SPATA1: variants seen among roughly 807,000 people sequenced by gnomAD.
SPATA1 encodes the protein spermatogenesis associated 1.
Under a neutral mutation model 59.6 loss-of-function variants are expected in SPATA1, and 57 were observed. That is an observed-to-expected ratio of 0.96 (90% CI 0.77 to 1.19). The LOEUF (loss-of-function observed/expected upper bound fraction) is 1.19. Among genes scored for constraint, SPATA1 ranks in the 50% most tolerant of loss-of-function variants. The pLI is 0.00. For missense variants in SPATA1, 448 were observed against 480.7 expected, an observed-to-expected ratio of 0.93 and a Z score of 0.64; for synonymous variants, 147 against 163.9, an observed-to-expected ratio of 0.90 and a Z score of 0.79.
At position 84,536,445 on chromosome 1, in the gene SPATA1, C is replaced by G. The variant is rs532840328; in HGVS notation, c.717+2679C>G. ...AAAAATGTTAAGAGGAGATTTATAT[C>G]CACTTTTTTTTCTTTTGAGACGGAG... is the stretch of plus-strand genomic sequence containing the variant. On this transcript the variant is annotated intron_variant, in intron 8 of 12. Transcript: ENST00000490879. 1.2e-4 allele frequency among the ~76,000 whole-genome samples: 18 copies of G among 152,204 alleles called. No homozygotes were observed. The South Asian group carries it at 3.7e-3, about 32-fold the overall frequency.
intron 3 of SPATA1, among the ~76,000 whole-genome samples, chr1:84,521,152 A>AAG (rs1185979986): frequency 3.8e-4 from 54 of 140,648 alleles, no homozygotes; most frequent in African/African-American, 1.3e-3. Context: ...AGAAAGAGGG[A>AAG]GAGAGAAGAA....
intron 4 of SPATA1, among the ~76,000 whole-genome samples, chr1:84,524,967 GTGTTTTGTTT>G (rs140288977): frequency 1.1e-4 from 17 of 151,780 alleles, no homozygotes; most frequent in Non-Finnish European, 1.8e-4. Context: ...CTCAGTATTT[GTGTTTTGTTT>G]TGTTTTGTTT....
intron 2 of SPATA1, among the ~76,000 whole-genome samples, chr1:84,519,682 AATC>A (rs1480572927): frequency 6.6e-6 from 1 of 152,106 alleles, no homozygotes; most frequent in Non-Finnish European, 1.5e-5. Context: ...GTTAGTTAAT[AATC>A]ATCATCAAAA....
chr1:84,526,019 C>A, exon 6 of SPATA1: 2 of 1,613,198 alleles, frequency 1.2e-6, no homozygotes, highest in East Asian at 2.2e-5. Flanking sequence ...TGGAAGAGAT[C>A]CCAGTTTGTT....
downstream of SPATA1, among the ~76,000 whole-genome samples, chr1:84,557,160 G>A (rs1239351000): frequency 6.6e-6 from 1 of 152,178 alleles, no homozygotes; most frequent in African/African-American, 2.4e-5. Flanking sequence ...AGCTGCTATT[G>A]CTGAAACAGC....
chr1:84,560,472 A>G lies in SPATA1; in HGVS notation n.442+4493A>G, dbSNP rs146985835. On this transcript the variant is annotated intron_variant and non_coding_transcript_variant, in intron 4 of 4. Coordinates refer to the SPATA1 transcript ENST00000460286. ...TAGCTGTCCATACTTCGTTGAACCT[A>G]AGCACAAAAATGGACAGTTTTTCCT... 7.2e-5 allele frequency among the ~76,000 whole-genome samples: 11 copies of G among 152,306 alleles called. No individual in the cohort carries two copies. The East Asian group carries it at 2.1e-3, about 29-fold the overall frequency.
At chr1:84,539,474 T>C (rs749721423) in intron 8 of SPATA1, among the ~76,000 whole-genome samples, 6 of 152,242 alleles carry the variant, frequency 3.9e-5, no homozygotes, top group Non-Finnish European at 7.3e-5. Flanking sequence ...TCCTCAATAA[T>C]ACATACTGTC....
chr1:84,520,444 G>T lies in SPATA1; in HGVS notation c.37-141G>T, dbSNP rs1170516259. On this transcript the variant is annotated intron_variant, in intron 2 of 12. Transcript: ENST00000490879. Reference sequence around the variant, plus strand: ...TAAGAACAAATTTTTAGTTCATTTTGGTTTTTGTTTGTTCAGAGGGATGTA... The same window carrying T: ...TAAGAACAAATTTTTAGTTCATTTTTGTTTTTGTTTGTTCAGAGGGATGTA... 4 of 542,516 alleles carry T rather than the reference G, an allele frequency of 7.4e-6. No homozygotes were observed. The East Asian group carries it at 1.4e-4, about 19-fold the overall frequency. 33.6% of individuals were successfully genotyped at this position (542,516 alleles called of 1,614,324 possible). A position where few individuals can be genotyped will look rare whatever the true frequency, so the allele number is the denominator to read the frequency against.
intron 8 of SPATA1, among the ~76,000 whole-genome samples, chr1:84,540,886 A>T (rs750196565): frequency 6.6e-6 from 1 of 152,222 alleles, no homozygotes; most frequent in Non-Finnish European, 1.5e-5. Context: ...GACAGAAACC[A>T]GATGTGGCCC....
At chr1:84,535,215 C>G (rs1474782917) in intron 8 of SPATA1, among the ~76,000 whole-genome samples, 2 of 152,000 alleles carry the variant, frequency 1.3e-5, no homozygotes, top group African/African-American at 4.8e-5. Context: ...ATCCTTACGC[C>G]AATACCACAT....
At chr1:84,557,258 C>T (rs1445448690), downstream of SPATA1, among the ~76,000 whole-genome samples, 11 of 152,088 alleles carry the variant, frequency 7.2e-5, no homozygotes, top group Admixed American at 6.5e-4. Flanking sequence ...GGGGGCCAGG[C>T]GCGATGGCTT....
Position 84,522,510 on chromosome 1 carries a change from A to G in SPATA1, c.261+3A>G. ...GCATTGGAAATAATTTAGCTGTGGTAAGTTTTCTTTTTTTTTCTTTCTGAT... is the reference window on the plus strand; with the variant it reads ...GCATTGGAAATAATTTAGCTGTGGTGAGTTTTCTTTTTTTTTCTTTCTGAT... On this transcript the variant is annotated splice_donor_region_variant and intron_variant, in intron 4 of 12. Coordinates refer to ENST00000490879, the Ensembl canonical transcript of SPATA1. The G allele has an allele frequency of 6.7e-7, 1 of 1,486,740 alleles. No individual in the cohort carries two copies. The highest frequency in any genetic ancestry group is 9.0e-7 in the Non-Finnish European group (1 of 1,107,444). 92.1% of individuals were successfully genotyped at this position (1,486,740 alleles called of 1,614,324 possible).
At chr1:84,562,901 G>A (rs146136356) in intron 4 of SPATA1, among the ~76,000 whole-genome samples, 8 of 152,224 alleles carry the variant, frequency 5.3e-5, no homozygotes, top group African/African-American at 1.9e-4. Flanking sequence ...TGAAATGGAG[G>A]CTTTCAGAGA....
chr1:84,548,145 A>G (rs938756836), intron 10 of SPATA1, among the ~76,000 whole-genome samples: 2 of 152,190 alleles, frequency 1.3e-5, no homozygotes, highest in South Asian at 2.1e-4. Context: ...ATGTAGCTAT[A>G]TAATTTTAAT....
At chr1:84,512,334 A>C (rs1450603996) in intron 1 of SPATA1, among the ~76,000 whole-genome samples, 1 of 152,158 alleles carries the variant, frequency 6.6e-6, no homozygotes, top group Admixed American at 6.5e-5. Flanking sequence ...AGAAACTCAC[A>C]CTCAGACCAA....
At chr1:84,565,840 C>T in intron 4 of SPATA1, 21 bp from the exon 14 acceptor site, 2 of 1,498,808 alleles carry the variant, frequency 1.3e-6, no homozygotes, top group Non-Finnish European at 8.9e-7. Flanking sequence ...TAGAGTCTTA[C>T]CAGTTAATGT....
downstream of SPATA1, among the ~76,000 whole-genome samples, chr1:84,559,416 T>C (rs1238383065): frequency 6.6e-6 from 1 of 151,094 alleles, no homozygotes; most frequent in Non-Finnish European, 1.5e-5. Context: ...AAGTCAGGAG[T>C]TTCAAACCAG....
chr1:84,532,069 TGAAG>T (rs1289169480), intron 6 of SPATA1, among the ~76,000 whole-genome samples: 5 of 152,226 alleles, frequency 3.3e-5, no homozygotes, highest in Admixed American at 2.0e-4. Context: ...TTTGTTAAAA[TGAAG>T]GGAGATTTTA....
At chr1:84,543,119 C>T (rs1047031809) in intron 8 of SPATA1, among the ~76,000 whole-genome samples, 3 of 151,894 alleles carry the variant, frequency 2.0e-5, no homozygotes, top group African/African-American at 7.3e-5. Context: ...TGTACTGTAC[C>T]GTGGGTAACT....
Sources: gnomAD v4.1 joint callset for allele counts (sites outside exome capture counted in the v4.1 genomes callset) on GRCh38, gnomAD v4.1.1 for gene constraint, MANE v1.5 for transcripts, NCBI Gene and HGNC (gene_info 2026-07-23, HGNC 2026-07-21) for gene names.